SNTG2: variants seen among roughly 807,000 people sequenced by gnomAD.
The protein encoded by SNTG2 is gamma-2-syntrophin.
A neutral mutation model predicts 70.9 loss-of-function variants in SNTG2; 74 were observed. That is an observed-to-expected ratio of 1.04 (90% confidence interval 0.86 to 1.27). The LOEUF (loss-of-function observed/expected upper bound fraction) is 1.27. Among genes scored for constraint, SNTG2 ranks in the 50% most tolerant of loss-of-function variants. SNTG2 has a pLI of 0.00. For synonymous variants in SNTG2, 278 were observed against 273.8 expected (o/e 1.02, Z -0.15); for missense variants, 717 against 690.7 (o/e 1.04, Z -0.43).
intron 1 of SNTG2, among the ~76,000 whole-genome samples, chr2:980,641 G>A (rs1264330716): frequency 1.3e-5 from 2 of 151,878 alleles, no homozygotes; most frequent in Non-Finnish European, 2.9e-5. Context: ...AAGCCATCCA[G>A]TATGTGTAAG....
intron 8 of SNTG2, 57 bp from the exon 9 acceptor site, chr2:1,209,045 TC>T: frequency 6.3e-7 from 1 of 1,596,088 alleles, no homozygotes; most frequent in South Asian, 1.1e-5. Context: ...CAGATGCCTC[TC>T]CCCGCATGCA....
Position 1,020,398 on chromosome 2 carries a change from A to G in SNTG2, c.73-63120A>G, listed in dbSNP as rs920117222. Among the ~76,000 whole-genome samples, 3 of 152,134 alleles carry G rather than the reference A, an allele frequency of 2.0e-5. No individual in the cohort carries two copies. The East Asian group carries it at 5.8e-4, about 29-fold the overall frequency. The stretch of plus-strand genomic sequence containing the variant: ...ATGGTGAGTGAGGGAACCACTTACA[A>G]CCATCAGCAGGCAGGCCACGGTGGA... On this transcript the variant is annotated intron_variant, in intron 1 of 16. Coordinates refer to ENST00000308624, the MANE Select transcript of SNTG2 (RefSeq NM_018968.4).
chr2:1,260,471 G>A (rs763696744), intron 13 of SNTG2, among the ~76,000 whole-genome samples: 5 of 152,080 alleles, frequency 3.3e-5, no homozygotes, highest in African/African-American at 1.2e-4. Context: ...GGAAAAGGCC[G>A]GATGTATTTA....
chr2:1,209,269 C>A (rs972157864), intron 9 of SNTG2, 39 bp downstream of exon 9: 1 of 1,612,032 alleles, frequency 6.2e-7, no homozygotes, highest in Non-Finnish European at 8.5e-7. Context: ...CTTTGATGAA[C>A]CCCGTGCACT....
intron 15 of SNTG2, among the ~76,000 whole-genome samples, chr2:1,313,913 A>G (rs577390758): frequency 8.5e-4 from 130 of 152,348 alleles, no homozygotes; most frequent in African/African-American, 3.0e-3. Context: ...AGGAAGGGTT[A>G]TTCTCAAATC....
chr2:1,083,653 A>T lies in SNTG2; in HGVS notation c.208A>T (p.Asn70Tyr). The stretch of plus-strand genomic sequence containing the variant: ...TGTGGGCGGAAGCCACCAGGGCAGG[A>T]ATGTAAGTGCCATCACTTCAGGGAA... Reference protein sequence around the residue: ...VCVGGSHQGRNRRTVTLRRQP... With the variant: ...VCVGGSHQGRYRRTVTLRRQP... The change falls in exon 2 of 17, where the codon AAT (asparagine) becomes TAT (tyrosine). Residue 70 changes from asparagine to tyrosine, a missense_variant and splice_region_variant. Transcript: ENST00000308624. 3.1e-6 allele frequency: 5 copies of T among 1,613,780 alleles called. No individual in the cohort carries two copies. The highest frequency in any genetic ancestry group is 4.2e-6 in the Non-Finnish European group (5 of 1,179,704).
At chr2:1,262,013 G>A (rs1002492452) in intron 13 of SNTG2, among the ~76,000 whole-genome samples, 6 of 152,128 alleles carry the variant, frequency 3.9e-5, no homozygotes, top group African/African-American at 1.4e-4. Context: ...ACGGATCTTC[G>A]GGGTAGTCCT....
At chr2:1,337,877 A>T (rs974712604) in intron 16 of SNTG2, among the ~76,000 whole-genome samples, 21 of 152,296 alleles carry the variant, frequency 1.4e-4, no homozygotes, top group African/African-American at 5.1e-4. Context: ...GTTAATTTTT[A>T]TATATGGTAT....
At chr2:1,233,766 C>G (rs954721735) in intron 9 of SNTG2, among the ~76,000 whole-genome samples, 2 of 152,192 alleles carry the variant, frequency 1.3e-5, no homozygotes, top group African/African-American at 4.8e-5. Context: ...TCAGTTTTCT[C>G]TTTGGAATTG....
intron 1 of SNTG2, among the ~76,000 whole-genome samples, chr2:968,036 A>G (rs906445581): frequency 6.6e-6 from 1 of 152,168 alleles, no homozygotes; most frequent in African/African-American, 2.4e-5. Flanking sequence ...AAATTAAAAA[A>G]AAAAAAGTGT....
At chr2:1,000,756 A>G (rs918192777) in intron 1 of SNTG2, among the ~76,000 whole-genome samples, 7 of 151,876 alleles carry the variant, frequency 4.6e-5, no homozygotes, top group African/African-American at 1.7e-4. Flanking sequence ...CTCATTTCTC[A>G]CTCATTCTAT....
chr2:1,137,805 A>C lies in SNTG2; in HGVS notation c.407A>C (p.Glu136Ala). 6.2e-7 allele frequency: 1 copy of C among 1,610,666 alleles called. No homozygotes were observed. The highest frequency in any genetic ancestry group is 8.5e-7 in the Non-Finnish European group (1 of 1,177,552). Residue 136 changes from glutamate (E) to alanine (A), a missense_variant, in exon 6 of 17, where the codon GAA (glutamate) becomes GCA (alanine). Physicochemically the swap from Glu to Ala is moderately radical, Grantham distance 107. Transcript: ENST00000308624. ...GIHVENATHEEVVHLLRNAGD... is the reference protein window; with the variant it reads ...GIHVENATHEAVVHLLRNAGD... ...CATGTAGAAAATGCAACTCATGAAG[A>C]AGTGGTAAGTGAATTACATTTTATA... is the stretch of plus-strand genomic sequence containing the variant.
At chr2:1,324,844 C>T (rs548379190) in intron 16 of SNTG2, among the ~76,000 whole-genome samples, 1 of 152,336 alleles carries the variant, frequency 6.6e-6, no homozygotes, top group Non-Finnish European at 1.5e-5. Context: ...TCAGATTAGA[C>T]TCTTTAAAGA....
chr2:1,018,167 G>T (rs956414575), intron 1 of SNTG2, among the ~76,000 whole-genome samples: 2 of 152,196 alleles, frequency 1.3e-5, no homozygotes, highest in Admixed American at 6.5e-5. Context: ...ATTTGAAAAT[G>T]ATTAATTCAC....
chr2:1,166,614 G>A (rs752925729), intron 7 of SNTG2, among the ~76,000 whole-genome samples: 2 of 152,224 alleles, frequency 1.3e-5, no homozygotes, highest in Non-Finnish European at 2.9e-5. Flanking sequence ...GGGCAGGGAA[G>A]TGCTGGGAGG....
At chr2:1,329,750 G>T (rs889134763) in intron 16 of SNTG2, among the ~76,000 whole-genome samples, 2 of 152,190 alleles carry the variant, frequency 1.3e-5, no homozygotes, top group East Asian at 1.9e-4. Context: ...AGTGCTGTAC[G>T]CATCGTGTGG....
chr2:1,330,154 A>G (rs1659448946), intron 16 of SNTG2, among the ~76,000 whole-genome samples: 1 of 152,244 alleles, frequency 6.6e-6, no homozygotes, highest in South Asian at 2.1e-4. Flanking sequence ...CACCTTCTTC[A>G]GCTCAACAAT....
intron 1 of SNTG2, among the ~76,000 whole-genome samples, chr2:993,611 C>G (rs1661577494): frequency 1.3e-5 from 2 of 152,086 alleles, no homozygotes; most frequent in South Asian, 4.1e-4. Flanking sequence ...GATCATAATA[C>G]TGGATCAAGA....
At chr2:1,127,491 A>G (rs1454609444) in intron 4 of SNTG2, among the ~76,000 whole-genome samples, 1 of 152,056 alleles carries the variant, frequency 6.6e-6, no homozygotes, top group African/African-American at 2.4e-5. Flanking sequence ...TTCTGTGAAG[A>G]ATGTCATTGG....
Sources: gnomAD v4.1 joint callset for allele counts (sites outside exome capture counted in the v4.1 genomes callset) on GRCh38, gnomAD v4.1.1 for gene constraint, MANE v1.5 for transcripts, NCBI Gene and HGNC (gene_info 2026-07-23, HGNC 2026-07-21) for gene names.